The following MAGI2 variants were observed in gnomAD, a reference collection of about 807,000 sequenced individuals.
MAGI2 encodes the protein membrane-associated guanylate kinase, WW and PDZ domain-containing protein 2.
In MAGI2, 35 loss-of-function variants were observed where a neutral mutation model predicts 133.3. The observed-to-expected ratio is 0.26, with a 90% CI of 0.20 to 0.35. The LOEUF is 0.35. MAGI2 is among the 10% of genes least tolerant of loss of function. MAGI2 has a pLI of 1.00. For missense variants in MAGI2, 1,636 were observed against 1,863.4 expected (o/e 0.88, Z 2.25); for synonymous variants, 729 against 710.6 (o/e 1.03, Z -0.41).
At chr7:79,170,440 T>G (rs1825417068) in intron 1 of MAGI2, among the ~76,000 whole-genome samples, 1 of 152,034 alleles carries the variant, frequency 6.6e-6, no homozygotes, top group Non-Finnish European at 1.5e-5. Context: ...CCTCCCAAAG[T>G]GCTGGGATTG....
chr7:78,716,781 T>C (rs12536628), intron 2 of MAGI2, among the ~76,000 whole-genome samples: 7,569 of 152,228 alleles, frequency 0.05, 275 homozygotes, highest in Non-Finnish European at 0.077. Flanking sequence ...CAGAGGTGTT[T>C]ATGAGGATGT....
chr7:78,265,523 T>A (rs992598598), intron 9 of MAGI2, among the ~76,000 whole-genome samples: 1 of 152,142 alleles, frequency 6.6e-6, no homozygotes, highest in African/African-American at 2.4e-5. Context: ...AAGATAAAAA[T>A]AGGTTACTAG....
At chr7:78,197,487 T>C (rs753185367) in intron 11 of MAGI2, among the ~76,000 whole-genome samples, 1 of 152,244 alleles carries the variant, frequency 6.6e-6, no homozygotes, top group Non-Finnish European at 1.5e-5. Context: ...GTATTGTTCA[T>C]GTAGTCATTG....
intron 2 of MAGI2, among the ~76,000 whole-genome samples, chr7:78,760,131 TAAAC>T (rs1017745528): frequency 4.0e-5 from 6 of 151,852 alleles, no homozygotes; most frequent in African/African-American, 1.5e-4. Context: ...AAAAATAAAA[TAAAC>T]AAATAAGGAA....
At chr7:78,366,661 A>C (rs531135633) in intron 7 of MAGI2, among the ~76,000 whole-genome samples, 14 of 152,340 alleles carry the variant, frequency 9.2e-5, no homozygotes, top group African/African-American at 3.4e-4. Context: ...TAATGTATAC[A>C]TCATATACAA....
intron 2 of MAGI2, among the ~76,000 whole-genome samples, chr7:78,689,682 C>CTTTTTTTTTTTTTTTTTTTTTTTT (rs200333526): frequency 9.8e-5 from 9 of 92,012 alleles, no homozygotes; most frequent in East Asian, 3.8e-4. Flanking sequence ...TTGGATCTGG[C>CTTTTTTTTTTTTTTTTTTTTTTTT]TTTTTTTTTT....
intron 1 of MAGI2, among the ~76,000 whole-genome samples, chr7:79,183,514 G>A (rs1826799909): frequency 6.6e-6 from 1 of 151,568 alleles, no homozygotes; most frequent in Non-Finnish European, 1.5e-5. Flanking sequence ...AATATTCTAG[G>A]TATCAATCCT....
intron 21 of MAGI2, among the ~76,000 whole-genome samples, chr7:78,063,724 C>T (rs1446133555): frequency 1.3e-5 from 2 of 152,044 alleles, no homozygotes; most frequent in Non-Finnish European, 2.9e-5. Flanking sequence ...AAAATTTTAC[C>T]ACTTGGGTAG....
At chr7:78,586,563 T>TC (rs1160557310) in intron 3 of MAGI2, among the ~76,000 whole-genome samples, 1 of 152,196 alleles carries the variant, frequency 6.6e-6, no homozygotes, top group Non-Finnish European at 1.5e-5. Flanking sequence ...CACCTTTTTT[T>TC]CAGATGATAA....
intron 1 of MAGI2, among the ~76,000 whole-genome samples, chr7:79,072,554 T>C (rs1562859742): frequency 6.6e-6 from 1 of 152,172 alleles, no homozygotes; most frequent in African/African-American, 2.4e-5. Context: ...AGGTAAATCA[T>C]AGGAACTGAT....
chr7:79,019,182 C>G (rs900267284), intron 1 of MAGI2, among the ~76,000 whole-genome samples: 5 of 152,266 alleles, frequency 3.3e-5, no homozygotes, highest in Middle Eastern at 3.4e-3. Context: ...CAAAATTATA[C>G]CAACCACAAT....
At chr7:78,966,819 A>T (rs1424457031) in intron 2 of MAGI2, among the ~76,000 whole-genome samples, 2 of 144,294 alleles carry the variant, frequency 1.4e-5, no homozygotes, top group Admixed American at 1.4e-4. Context: ...ATTTCTCCAG[A>T]TCTTTGCCTA....
At chr7:78,859,819 T>C (rs1249823009) in intron 2 of MAGI2, among the ~76,000 whole-genome samples, 1 of 152,228 alleles carries the variant, frequency 6.6e-6, no homozygotes, top group Non-Finnish European at 1.5e-5. Flanking sequence ...TCCTGGATAG[T>C]ATCCTGAAGA....
intron 9 of MAGI2, among the ~76,000 whole-genome samples, chr7:78,337,130 A>C (rs1218163971): frequency 1.3e-5 from 2 of 152,234 alleles, no homozygotes; most frequent in Admixed American, 1.3e-4. Flanking sequence ...TGTGTAAGCC[A>C]TGTTACATCA....
intron 9 of MAGI2, among the ~76,000 whole-genome samples, chr7:78,289,030 G>A (rs181007916): frequency 1.3e-5 from 2 of 152,280 alleles, no homozygotes; most frequent in South Asian, 2.1e-4. Flanking sequence ...AAAATTCTAA[G>A]AATCAGAGCG....
At chr7:79,173,007 G>A (rs939221030) in intron 1 of MAGI2, 3 of 151,746 alleles carry the variant, frequency 2.0e-5, no homozygotes, top group East Asian at 3.9e-4. Context: ...ATAGAAATTA[G>A]CTATTATGAT....
intron 6 of MAGI2, among the ~76,000 whole-genome samples, chr7:78,385,565 TC>T (rs1179822398): frequency 9.9e-5 from 15 of 152,186 alleles, no homozygotes; most frequent in South Asian, 2.1e-4. Flanking sequence ...GAAAGTAATG[TC>T]CAAATTCAAC....
intron 1 of MAGI2, among the ~76,000 whole-genome samples, chr7:79,145,304 A>G (rs1016854735): frequency 2.0e-5 from 3 of 152,122 alleles, no homozygotes; most frequent in Non-Finnish European, 4.4e-5. Flanking sequence ...AATCTTCCAC[A>G]TATTTCATAG....
intron 2 of MAGI2, among the ~76,000 whole-genome samples, chr7:78,732,397 A>G (rs1415523141): frequency 1.3e-5 from 2 of 152,262 alleles, no homozygotes; most frequent in East Asian, 3.9e-4. Flanking sequence ...AGGAAAGCCT[A>G]TGATATCAGA....
Sources: gnomAD v4.1 joint callset for allele counts (sites outside exome capture counted in the v4.1 genomes callset) on GRCh38, gnomAD v4.1.1 for gene constraint, MANE v1.5 for transcripts, NCBI Gene and HGNC (gene_info 2026-07-23, HGNC 2026-07-21) for gene names.